The following GALNT13 variants were observed in gnomAD, a reference collection of about 807,000 sequenced individuals.
The protein encoded by GALNT13 is polypeptide N-acetylgalactosaminyltransferase 13, also known as UDP-GalNAc:polypeptide N-acetylgalactosaminyltransferase 13.
A neutral mutation model predicts 64.2 loss-of-function variants in GALNT13; 28 were observed. That is an observed-to-expected ratio of 0.44 (90% CI 0.32 to 0.60). The LOEUF is 0.60. Ranked by LOEUF, GALNT13 falls within the 20% of genes least tolerant of loss-of-function variation. The pLI is 0.05. For synonymous variants in GALNT13, 214 were observed against 224.6 expected (o/e 0.95, Z 0.42); for missense variants, 577 against 669.8 (o/e 0.86, Z 1.53).
chr2:154,450,400 A>G lies in GALNT13; in HGVS notation c.1531-11A>G, dbSNP rs1372818714. 5 of 1,603,962 alleles carry G rather than the reference A, an allele frequency of 3.1e-6. No homozygotes were observed. Among genetic ancestry groups the G allele is most frequent in the Non-Finnish European group, 4.3e-6 (5 of 1,176,042 alleles). ...AAATAAGCTGCACTGATTATTGGTT[A>G]TCTTTTACAGAGACTCACGTTGCGA... On this transcript the variant is annotated splice_polypyrimidine_tract_variant and intron_variant, in intron 12 of 12. Transcript: ENST00000392825.
At chr2:153,981,027 A>G (rs2105158012) in intron 3 of GALNT13, among the ~76,000 whole-genome samples, 1 of 152,254 alleles carries the variant, frequency 6.6e-6, no homozygotes, top group East Asian at 1.9e-4. Flanking sequence ...ACGAATGGAA[A>G]CTGTCTGCTA....
chr2:153,115,976 A>AT, the GALNT13 span, among the ~76,000 whole-genome samples: 1 of 152,112 alleles, frequency 6.6e-6, no homozygotes, highest in Admixed American at 6.6e-5. Context: ...GGCCAGTGGT[A>AT]TTTTTTTAGA....
At chr2:154,276,357 C>A (rs866887122) in intron 8 of GALNT13, among the ~76,000 whole-genome samples, 6 of 151,838 alleles carry the variant, frequency 4.0e-5, no homozygotes, top group South Asian at 2.1e-4. Flanking sequence ...GTAGCTGGGA[C>A]TACAGGTGTG....
At chr2:153,275,458 C>T in the GALNT13 span, among the ~76,000 whole-genome samples, 148 of 152,006 alleles carry the variant, frequency 9.7e-4, 1 homozygote, top group African/African-American at 3.4e-3. Flanking sequence ...CCCTTTTTGC[C>T]CTACTGCCTT....
At chr2:153,082,573 TTATATATATATATATATATATATA>T in the GALNT13 span, among the ~76,000 whole-genome samples, 8 of 40,566 alleles carry the variant, frequency 2.0e-4, no homozygotes, top group South Asian at 1.2e-3. Flanking sequence ...TTAGGCTGGT[TTATATATATATATATATATATATA>T]TATATATATA....
At chr2:154,262,261 C>T (rs1274066536) in intron 8 of GALNT13, among the ~76,000 whole-genome samples, 1 of 152,102 alleles carries the variant, frequency 6.6e-6, no homozygotes, top group African/African-American at 2.4e-5. Flanking sequence ...CTGTTAAATA[C>T]CATACTGTTA....
At position 153,906,718 on chromosome 2, in the gene GALNT13, GTC is replaced by G. The variant is rs879773187; in HGVS notation, c.-105+5713_-105+5714del. 4.4e-3 allele frequency among the ~76,000 whole-genome samples: 669 copies of G among 151,824 alleles called. 1 individual carries two copies. The highest frequency in any genetic ancestry group is 0.015 in the African/African-American group (636 of 41,378). On this transcript the variant is annotated intron_variant, in intron 2 of 12. Coordinates refer to ENST00000392825, the MANE Select transcript of GALNT13 (RefSeq NM_052917.4). The stretch of plus-strand genomic sequence containing the variant: ...CTGCAATAAACATACGTGTGCATGT[GTC>G]TTTATAGCAGCATGATTTATAATCC...
chr2:153,971,685 C>T (rs1315573134), intron 3 of GALNT13, among the ~76,000 whole-genome samples: 4 of 152,048 alleles, frequency 2.6e-5, no homozygotes, highest in Non-Finnish European at 4.4e-5. Context: ...GAAAGCTTCA[C>T]AAAATTTGCT....
chr2:154,164,519 AC>A (rs1684914189), intron 4 of GALNT13, among the ~76,000 whole-genome samples: 1 of 152,126 alleles, frequency 6.6e-6, no homozygotes, highest in African/African-American at 2.4e-5. Context: ...ATTACAACAC[AC>A]ACAAAATCTA....
At chr2:153,305,015 T>G in the GALNT13 span, among the ~76,000 whole-genome samples, 1 of 152,176 alleles carries the variant, frequency 6.6e-6, no homozygotes, top group South Asian at 2.1e-4. Context: ...TTTACAGTTT[T>G]GGAAAAATAT....
At chr2:153,459,655 CA>C in the GALNT13 span, among the ~76,000 whole-genome samples, 1 of 152,106 alleles carries the variant, frequency 6.6e-6, no homozygotes. Flanking sequence ...TGAACACAAA[CA>C]AACATATAGG....
the GALNT13 span, among the ~76,000 whole-genome samples, chr2:153,499,212 G>A: frequency 6.6e-6 from 1 of 152,182 alleles, no homozygotes; most frequent in Non-Finnish European, 1.5e-5. Flanking sequence ...TGGAGGACGA[G>A]CAAGGTGAAG....
chr2:154,001,984 A>G (rs1695942207), intron 3 of GALNT13, among the ~76,000 whole-genome samples: 1 of 152,050 alleles, frequency 6.6e-6, no homozygotes, highest in Non-Finnish European at 1.5e-5. Context: ...GCACTTCTAA[A>G]ATATTATCCC....
In GALNT13 at chr2:154,287,371, G is replaced by A. The variant is rs1167451064; in HGVS notation, c.976-14038G>A. On this transcript the variant is annotated intron_variant, in intron 8 of 12. Coordinates refer to ENST00000392825, the MANE Select transcript of GALNT13 (RefSeq NM_052917.4). Reference sequence around the variant, plus strand: ...TTGCATTCCAGCTCTCATACTCTGGGAACGTCACCTACCTGCCTGTGGGGC... The same window carrying A: ...TTGCATTCCAGCTCTCATACTCTGGAAACGTCACCTACCTGCCTGTGGGGC... 6.2e-5 allele frequency: 33 copies of A among 532,576 alleles called. No individual in the cohort carries two copies. In the East Asian group the frequency reaches 1.2e-3, roughly 19 times the overall value. 33.0% of individuals were successfully genotyped at this position (532,576 alleles called of 1,614,324 possible).
At chr2:154,167,624 A>C (rs1685106011) in intron 4 of GALNT13, among the ~76,000 whole-genome samples, 1 of 152,138 alleles carries the variant, frequency 6.6e-6, no homozygotes, top group Admixed American at 6.5e-5. Context: ...CTAAGGTGGC[A>C]CTGAACACAG....
At chr2:153,727,490 C>A in the GALNT13 span, among the ~76,000 whole-genome samples, 1 of 152,132 alleles carries the variant, frequency 6.6e-6, no homozygotes, top group East Asian at 1.9e-4. Flanking sequence ...TGAAGTAGAT[C>A]TGCTGTATCA....
At chr2:154,040,672 T>G (rs1698921392) in intron 3 of GALNT13, among the ~76,000 whole-genome samples, 1 of 140,650 alleles carries the variant, frequency 7.1e-6, no homozygotes, top group Non-Finnish European at 1.6e-5. Context: ...TTAAAGTTAC[T>G]TTAATGATAT....
At chr2:153,227,144 T>TCA in the GALNT13 span, among the ~76,000 whole-genome samples, 1 of 152,184 alleles carries the variant, frequency 6.6e-6, no homozygotes, top group African/African-American at 2.4e-5. Flanking sequence ...GGGAAAGACA[T>TCA]CAACAGAATG....
At chr2:154,442,692 T>G (rs946210854) in intron 12 of GALNT13, among the ~76,000 whole-genome samples, 13 of 152,144 alleles carry the variant, frequency 8.5e-5, no homozygotes, top group African/African-American at 2.9e-4. Context: ...TATAATTATG[T>G]TCCAATCAAT....
Sources: allele counts gnomAD v4.1 joint callset (sites outside exome capture counted in the v4.1 genomes callset), GRCh38; gene constraint gnomAD v4.1.1; transcripts MANE v1.5; gene names NCBI Gene and HGNC (gene_info 2026-07-23, HGNC 2026-07-21).